Variants in TECTB observed in about 807,000 individuals in gnomAD.
TECTB encodes the protein tectorin beta, also known as beta-tectorin.
In TECTB, 45 loss-of-function variants were observed where a neutral mutation model predicts 43.3. The observed-to-expected ratio is 1.04, with a 90% CI of 0.82 to 1.33. The LOEUF (loss-of-function observed/expected upper bound fraction) is 1.33, where lower values mean the gene tolerates loss of function less well. Ranked by LOEUF, TECTB falls within the 40% of genes most tolerant of loss-of-function variation. TECTB has a pLI of 0.00. For missense variants in TECTB, 399 were observed against 404.7 expected, an observed-to-expected ratio of 0.99 and a Z score of 0.12; for synonymous variants, 169 against 156.7, an observed-to-expected ratio of 1.08 and a Z score of -0.59.
intron 2 of TECTB, among the ~76,000 whole-genome samples, chr10:112,284,179 A>G (rs1848435814): frequency 3.9e-5 from 6 of 152,136 alleles, no homozygotes; most frequent in Admixed American, 3.9e-4. Context: ...TGAAATTGAC[A>G]TTTAAAATGT....
At chr10:112,289,109 T>C (rs904663575) in intron 5 of TECTB, among the ~76,000 whole-genome samples, 3 of 152,170 alleles carry the variant, frequency 2.0e-5, no homozygotes, top group Non-Finnish European at 2.9e-5. Flanking sequence ...TAGAATTAAA[T>C]GAAATAATCT....
At chr10:112,301,997 C>A in intron 9 of TECTB, 104 bp from the exon 10 acceptor site, 1 of 1,389,848 alleles carries the variant, frequency 7.2e-7, no homozygotes, top group Non-Finnish European at 1.0e-6. Flanking sequence ...AAGTGTGAGC[C>A]GCAGCCCCCA....
At chr10:112,299,356 T>C (rs925261743) in intron 8 of TECTB, 136 bp from the exon 9 acceptor site, 7 of 738,698 alleles carry the variant, frequency 9.5e-6, no homozygotes, top group Non-Finnish European at 1.6e-5. Flanking sequence ...GTAACTCATC[T>C]CTGTTGACTG....
intron 1 of TECTB, 34 bp downstream of exon 1, chr10:112,283,530 C>A: frequency 1.7e-6 from 1 of 573,290 alleles, no homozygotes; most frequent in South Asian, 2.3e-5. Flanking sequence ...TCAGCGCTAA[C>A]AGGAAACAAT....
At chr10:112,296,218 C>A (rs1057481242) in intron 7 of TECTB, among the ~76,000 whole-genome samples, 29 of 152,070 alleles carry the variant, frequency 1.9e-4, no homozygotes, top group Admixed American at 1.6e-3. Context: ...GGAGATATAT[C>A]ATAAGGAATT....
chr10:112,289,121 T>A (rs1366060892), intron 5 of TECTB, among the ~76,000 whole-genome samples: 1 of 152,192 alleles, frequency 6.6e-6, no homozygotes, highest in Non-Finnish European at 1.5e-5. Context: ...AAATAATCTT[T>A]AGGAAGCACT....
intron 3 of TECTB, 78 bp downstream of exon 3, chr10:112,284,803 C>A: frequency 7.9e-7 from 1 of 1,272,676 alleles, no homozygotes; most frequent in Non-Finnish European, 1.0e-6. Context: ...GCCATCTGTC[C>A]TTGAAAGGAT....
In TECTB at chr10:112,291,927, G is replaced by C. The variant is rs903025015; in HGVS notation, c.484-1811G>C. Reference sequence around the variant, plus strand: ...CGAGGCGGGCAGATCACGAGGTCAGGAGATCGAGACCATCCTGGCTAACAC... The same window carrying C: ...CGAGGCGGGCAGATCACGAGGTCAGCAGATCGAGACCATCCTGGCTAACAC... On this transcript the variant is annotated intron_variant, in intron 5 of 10. Transcript: ENST00000646139. Among the ~76,000 whole-genome samples the C allele has an allele frequency of 2.0e-5, 3 of 152,148 alleles. No individual in the cohort carries two copies. In the South Asian group the frequency reaches 6.2e-4, roughly 32 times the overall value.
rs115018391 is a variant in TECTB at position 112,285,028 on chromosome 10, G to A, written c.267+303G>A. ...AGTTCTGAGCCTGTGCTCACAAGCC[G>A]CCATCCTTCCTAGATTGGATGGGTG... is the stretch of plus-strand genomic sequence containing the variant. On this transcript the variant is annotated intron_variant, in intron 3 of 10. Coordinates refer to ENST00000646139, the MANE Select transcript of TECTB (RefSeq NM_058222.3). Among the ~76,000 whole-genome samples the A allele has an allele frequency of 1.9e-3, 284 of 152,308 alleles. 1 individual carries two copies. The highest frequency in any genetic ancestry group is 6.8e-3 in the Middle Eastern group (2 of 294).
chr10:112,302,106 G>C lies in TECTB; in HGVS notation c.913G>C (p.Gly305Arg), dbSNP rs1848616999. The change falls in exon 10 of 11, where the codon GGA (glycine) becomes CGA (arginine). Residue 305 changes from glycine (G) to arginine (R), a missense_variant. By Grantham distance (125) the Gly-to-Arg change is moderately radical (BLOSUM62 -2). Coordinates refer to ENST00000646139, the MANE Select transcript of TECTB (RefSeq NM_058222.3). ...LVVELSLRSR[G>R]FSSLYSFSDV... Reference sequence around the variant, plus strand: ...TCTCTCTTTACTCACTACAGGCAGGGGATTTTCCAGTCTCTATAGCTTCTC... The same window carrying C: ...TCTCTCTTTACTCACTACAGGCAGGCGATTTTCCAGTCTCTATAGCTTCTC... The C allele has an allele frequency of 6.2e-7, 1 of 1,613,862 alleles. No individual in the cohort carries two copies. The highest frequency in any genetic ancestry group is 8.5e-7 in the Non-Finnish European group (1 of 1,179,926).
chr10:112,291,592 T>C (rs898863373), intron 5 of TECTB, among the ~76,000 whole-genome samples: 2 of 152,240 alleles, frequency 1.3e-5, no homozygotes, highest in African/African-American at 2.4e-5. Flanking sequence ...CTGAAATCCG[T>C]TCCTCCTGCC....
At chr10:112,295,820 C>A (rs1340328268) in intron 7 of TECTB, among the ~76,000 whole-genome samples, 2 of 152,240 alleles carry the variant, frequency 1.3e-5, no homozygotes, top group Non-Finnish European at 2.9e-5. Context: ...TTGTTCCCAT[C>A]TGGCAGATGT....
rs1324987832 is a variant in TECTB at position 112,303,584 on chromosome 10, G to A, written c.*272G>A. 2 of 475,532 alleles carry A rather than the reference G, an allele frequency of 4.2e-6. No individual in the cohort carries two copies. Among genetic ancestry groups the A allele is most frequent in the East Asian group, 6.4e-5 (2 of 31,072 alleles). The allele number at this position is 475,532 out of a possible 1,614,324, so 29.5% of individuals were successfully genotyped here. On this transcript the variant is annotated 3_prime_UTR_variant, in exon 11 of 11. Transcript: ENST00000646139. ...CCTCCTTTCTCCATACTCAAGTCAG[G>A]GCTGCAGTAAATTCCTTTGAAAGCT...
At chr10:112,284,006 T>A (rs1848434260) in intron 2 of TECTB, among the ~76,000 whole-genome samples, 196 bp downstream of exon 2, 1 of 151,348 alleles carries the variant, frequency 6.6e-6, no homozygotes, top group Non-Finnish European at 1.5e-5. Flanking sequence ...AAACTCGGAC[T>A]TTTTTTTTAA....
At chr10:112,297,781 G>A (rs530102399) in intron 7 of TECTB, among the ~76,000 whole-genome samples, 86 of 152,158 alleles carry the variant, frequency 5.7e-4, no homozygotes, top group Non-Finnish European at 1.0e-3. Context: ...ATCTCCTAGG[G>A]ATTTTCTTTC....
chr10:112,296,755 T>G (rs1312833537), intron 7 of TECTB, among the ~76,000 whole-genome samples: 2 of 152,114 alleles, frequency 1.3e-5, no homozygotes, highest in Non-Finnish European at 2.9e-5. Flanking sequence ...GGCCCCCCGT[T>G]GTCTGTTTCT....
At position 112,303,480 on chromosome 10, in the gene TECTB, C is replaced by A. The variant is rs1219215814; in HGVS notation, c.*168C>A. On this transcript the variant is annotated 3_prime_UTR_variant, in exon 11 of 11. Transcript: ENST00000646139. ...AATAATTTCTGTGAATTTGGTGATGCCTTTTTCTTTCTAAGAAAAACTTAG... is the reference window on the plus strand; with the variant it reads ...AATAATTTCTGTGAATTTGGTGATGACTTTTTCTTTCTAAGAAAAACTTAG... 1.6e-5 allele frequency: 13 copies of A among 800,264 alleles called. No homozygotes were observed. The highest frequency in any genetic ancestry group is 2.4e-5 in the Non-Finnish European group (12 of 501,536). 49.6% of individuals were successfully genotyped at this position (800,264 alleles called of 1,614,324 possible).
At chr10:112,294,321 T>A (rs1472991556) in intron 7 of TECTB, among the ~76,000 whole-genome samples, 3 of 152,172 alleles carry the variant, frequency 2.0e-5, no homozygotes, top group African/African-American at 4.8e-5. Context: ...TTTACTATCA[T>A]CCCCATTTTA....
chr10:112,304,847 G>C lies in TECTB; in HGVS notation c.*1535G>C, dbSNP rs1848639794. The C allele has an allele frequency of 6.7e-6, 1 of 148,874 alleles. No homozygotes were observed. 9.2% of individuals were successfully genotyped at this position (148,874 alleles called of 1,614,324 possible). On this transcript the variant is annotated 3_prime_UTR_variant, in exon 11 of 11. Coordinates refer to ENST00000646139, the MANE Select transcript of TECTB (RefSeq NM_058222.3). ...GTAAATTCAGAGTTTTTATAGTCAG[G>C]AAAAACAGAAGACATATTTTATTGG...
Sources: gnomAD v4.1 joint callset for allele counts (sites outside exome capture counted in the v4.1 genomes callset) on GRCh38, gnomAD v4.1.1 for gene constraint, MANE v1.5 for transcripts, NCBI Gene and HGNC (gene_info 2026-07-23, HGNC 2026-07-21) for gene names.